OVOL2: variants seen among roughly 807,000 people sequenced by gnomAD.
OVOL2 encodes the protein ovo like zinc finger 2.
OVOL2 carries 13 observed loss-of-function variants against 18.1 expected under a neutral mutation model. That is an observed-to-expected ratio of 0.72 (90% confidence interval 0.47 to 1.14). The LOEUF (loss-of-function observed/expected upper bound fraction) is 1.14, where lower values mean the gene tolerates loss of function less well. Among genes scored for constraint, OVOL2 ranks in the 50% most tolerant of loss-of-function variants. The pLI is 0.00. For missense variants in OVOL2, 335 were observed against 383.0 expected (o/e 0.87, Z 1.05); for synonymous variants, 166 against 162.7 (o/e 1.02, Z -0.16).
chr20:18,055,013 C>G (rs1235599473), intron 2 of OVOL2, among the ~76,000 whole-genome samples: 3 of 151,964 alleles, frequency 2.0e-5, no homozygotes, highest in African/African-American at 7.3e-5. Context: ...CCTAAACATC[C>G]CCAGTAAATA....
intron 2 of OVOL2, chr20:18,050,876 A>G (rs79065841): frequency 0.043 from 6,530 of 152,370 alleles, 163 homozygotes; most frequent in Non-Finnish European, 0.049. Flanking sequence ...AGAGTGGAAA[A>G]GAGAAGTCAG....
chr20:18,030,443 C>A (rs1157566622), intron 3 of OVOL2, among the ~76,000 whole-genome samples: 1 of 152,222 alleles, frequency 6.6e-6, no homozygotes, highest in African/African-American at 2.4e-5. Context: ...ATGCAACAAA[C>A]TCCTGGAGGT....
chr20:18,031,643 T>G (rs1321075930), intron 3 of OVOL2, among the ~76,000 whole-genome samples: 1 of 152,232 alleles, frequency 6.6e-6, no homozygotes, highest in Non-Finnish European at 1.5e-5. Context: ...GATTTGTCTT[T>G]AAACTGTACC....
In OVOL2 at chr20:18,056,613, A is replaced by G; in HGVS notation, c.321+44T>C. 1 of 1,332,678 alleles carries G rather than the reference A, an allele frequency of 7.5e-7. No homozygotes were observed. Among genetic ancestry groups the G allele is most frequent in the South Asian group, 2.1e-5 (1 of 48,144 alleles). 82.6% of individuals were successfully genotyped at this position (1,332,678 alleles called of 1,614,324 possible). ...GCGCCGGCCTCGGGAGCCCGACGCC[A>G]GGGCGTGGTGCAGGTGGCGGCGGGG... On this transcript the variant is annotated intron_variant, in intron 2 of 3. Transcript: ENST00000278780. The surrounding 1 kb of genome is among the most constrained non-coding windows in gnomAD (Gnocchi z 4.2).
In OVOL2 at chr20:18,033,073, C is replaced by T. The variant is rs1318900547; in HGVS notation, c.512-8121G>A. Among the ~76,000 whole-genome samples the T allele has an allele frequency of 1.1e-4, 17 of 152,354 alleles. No homozygotes were observed. In the South Asian group the frequency reaches 1.9e-3, roughly 17 times the overall value. ...GCCACTAGGGGTGGAGGTGACTTGA[C>T]TCTTTCTTCTCCATCTGGCCCACTC... On this transcript the variant is annotated intron_variant, in intron 3 of 3. Coordinates refer to ENST00000278780, the MANE Select transcript of OVOL2 (RefSeq NM_021220.4).
intron 2 of OVOL2, among the ~76,000 whole-genome samples, chr20:18,046,952 A>G (rs1024302617): frequency 6.6e-6 from 1 of 152,186 alleles, no homozygotes; most frequent in Non-Finnish European, 1.5e-5. Flanking sequence ...TCAAAAAAAA[A>G]AAAAACCTAG....
chr20:18,040,280 T>C (rs2036657031), intron 3 of OVOL2, among the ~76,000 whole-genome samples: 2 of 151,492 alleles, frequency 1.3e-5, no homozygotes, highest in South Asian at 2.1e-4. Flanking sequence ...CTGGATAGGG[T>C]TGAATGGGTT....
At chr20:18,055,986 A>G (rs2036819604) in intron 2 of OVOL2, among the ~76,000 whole-genome samples, 1 of 152,176 alleles carries the variant, frequency 6.6e-6, no homozygotes, top group Middle Eastern at 3.2e-3. Flanking sequence ...AGGCGCGACC[A>G]TAGATGGGAG....
At chr20:18,055,482 A>G (rs1255654404) in intron 2 of OVOL2, among the ~76,000 whole-genome samples, 1 of 152,154 alleles carries the variant, frequency 6.6e-6, no homozygotes, top group Admixed American at 6.6e-5. Flanking sequence ...CTTACCGCTA[A>G]GCTGCCGGCC....
chr20:18,027,335 C>T (rs1219961836), intron 3 of OVOL2, among the ~76,000 whole-genome samples: 3 of 151,972 alleles, frequency 2.0e-5, no homozygotes, highest in African/African-American at 7.2e-5. Flanking sequence ...TGAGACCAGC[C>T]TGGCCAACAT....
At chr20:18,053,963 C>A (rs182880562) in intron 2 of OVOL2, among the ~76,000 whole-genome samples, 472 of 152,286 alleles carry the variant, frequency 3.1e-3, no homozygotes, top group Non-Finnish European at 4.5e-3. Context: ...CTCAGGCCCA[C>A]CCGCCTCCCT....
rs753079838 is a variant in OVOL2 at position 18,056,748 on chromosome 20, G to C, written c.230C>G (p.Pro77Arg). ...GCCGGGCTCGGGGGTTTCGCTCTCG[G>C]GGGCGTGCGGGGACGAGCTGCTCTC... is the stretch of plus-strand genomic sequence containing the variant. ...GAESSSSPHA[P>R]ESETPEPGDA... Residue 77 changes from proline to arginine, a missense_variant, in exon 2 of 4, where the codon CCC becomes CGC. Transcript: ENST00000278780. This position sits in a 1 kb window ranked among gnomAD's most constrained non-coding sequence, Gnocchi z 4.2. The C allele has an allele frequency of 1.3e-6, 2 of 1,489,436 alleles. No individual in the cohort carries two copies. Among genetic ancestry groups the C allele is most frequent in the Non-Finnish European group, 1.8e-6 (2 of 1,127,140 alleles). The allele number at this position is 1,489,436 out of a possible 1,614,324, so 92.3% of individuals were successfully genotyped here.
chr20:18,051,360 C>T (rs1447260476), intron 2 of OVOL2, among the ~76,000 whole-genome samples: 1 of 152,034 alleles, frequency 6.6e-6, no homozygotes, highest in African/African-American at 2.4e-5. Flanking sequence ...AACTGTGCCA[C>T]TGGAAAACCA....
chr20:18,027,635 G>T (rs564520499), intron 3 of OVOL2, among the ~76,000 whole-genome samples: 3 of 151,704 alleles, frequency 2.0e-5, no homozygotes, highest in Non-Finnish European at 4.4e-5. Context: ...TCGCTCTGTC[G>T]CCCAGGCTGG....
At chr20:18,033,032 G>A (rs970450296) in intron 3 of OVOL2, among the ~76,000 whole-genome samples, 17 of 152,200 alleles carry the variant, frequency 1.1e-4, no homozygotes, top group East Asian at 5.8e-4. Context: ...AGGCAATTCC[G>A]CATGACAGCA....
At chr20:18,037,938 A>G (rs1164730110) in intron 3 of OVOL2, among the ~76,000 whole-genome samples, 1 of 151,782 alleles carries the variant, frequency 6.6e-6, no homozygotes, top group Non-Finnish European at 1.5e-5. Flanking sequence ...CTTCTTGGGC[A>G]ACCCAAACTA....
chr20:18,047,103 C>T (rs983220044), intron 2 of OVOL2, among the ~76,000 whole-genome samples: 1 of 152,220 alleles, frequency 6.6e-6, no homozygotes, highest in Non-Finnish European at 1.5e-5. Flanking sequence ...CCAGTTTCCT[C>T]AATTCCTTCA....
At chr20:18,047,111 T>C (rs911562151) in intron 2 of OVOL2, among the ~76,000 whole-genome samples, 7 of 152,218 alleles carry the variant, frequency 4.6e-5, no homozygotes, top group African/African-American at 1.7e-4. Context: ...CTCAATTCCT[T>C]CAATTCCTGT....
intron 3 of OVOL2, among the ~76,000 whole-genome samples, chr20:18,030,289 A>G (rs1173263353): frequency 6.6e-6 from 1 of 152,232 alleles, no homozygotes; most frequent in Non-Finnish European, 1.5e-5. Context: ...CCCGATTTCC[A>G]ACCTTCAGCT....
Sources: allele counts gnomAD v4.1 joint callset (sites outside exome capture counted in the v4.1 genomes callset), GRCh38; gene constraint gnomAD v4.1.1; non-coding constraint Gnocchi (gnomAD v3.1); transcripts MANE v1.5; gene names NCBI Gene and HGNC (gene_info 2026-07-23, HGNC 2026-07-21).